The following PAX7 variants were observed in gnomAD, a reference collection of about 807,000 sequenced individuals.
The protein encoded by PAX7 is paired box 7, also known as paired box protein Pax-7.
Under a neutral mutation model 50.7 loss-of-function variants are expected in PAX7, and 18 were observed. The ratio of observed to expected loss-of-function variants is 0.36; its 90% CI spans 0.25 to 0.53. The LOEUF (loss-of-function observed/expected upper bound fraction) is 0.53, where lower values mean the gene tolerates loss of function less well. PAX7 is among the 20% of genes least tolerant of loss of function. The probability of loss-of-function intolerance (pLI) is 0.93; values close to 1 mark genes in which losing one functional copy is unlikely to be tolerated. For synonymous variants in PAX7, 310 were observed against 290.4 expected, an observed-to-expected ratio of 1.07 and a Z score of -0.69; for missense variants, 644 against 702.9, an observed-to-expected ratio of 0.92 and a Z score of 0.95.
In PAX7 at chr1:18,692,094, A is replaced by G. The variant is rs1449592173; in HGVS notation, c.786+141A>G. The G allele has an allele frequency of 5.3e-5, 37 of 698,108 alleles. No homozygotes were observed. In the Admixed American group the frequency reaches 8.8e-4, roughly 17 times the overall value. 43.2% of individuals were successfully genotyped at this position (698,108 alleles called of 1,614,324 possible). On this transcript the variant is annotated intron_variant, in intron 5 of 8. Transcript: ENST00000420770. The stretch of plus-strand genomic sequence containing the variant: ...GGGGGTTGTGTAGGCAAGTAATGCC[A>G]CCAGCATTTGATGCAGAGTTAGTTG...
chr1:18,641,953 T>TCC (rs111618204), intron 4 of PAX7, among the ~76,000 whole-genome samples: 108 of 138,892 alleles, frequency 7.8e-4, no homozygotes, highest in African/African-American at 2.3e-3. Context: ...CGGATTAACC[T>TCC]CCCCCCCCCC....
chr1:18,700,835 C>G lies in PAX7; in HGVS notation c.952+17C>G, dbSNP rs1007260581. ...TCTCCCAAGGTGAGTGTCTTGGCCC[C>G]GTCCTGCCATCTCAGTGGTGCCCCT... On this transcript the variant is annotated intron_variant, in intron 6 of 8. Transcript: ENST00000420770. The surrounding 1 kb of genome is among the most constrained non-coding windows in gnomAD (Gnocchi z 4.8). 2 of 1,431,148 alleles carry G rather than the reference C, an allele frequency of 1.4e-6. No individual in the cohort carries two copies. The highest frequency in any genetic ancestry group is 3.0e-5 in the African/African-American group (2 of 67,684). The allele number at this position is 1,431,148 out of a possible 1,614,324, so 88.7% of individuals were successfully genotyped here.
chr1:18,691,619 T>C lies in PAX7; in HGVS notation c.587-135T>C. The C allele has an allele frequency of 5.7e-6, 4 of 698,942 alleles. No homozygotes were observed. The South Asian group carries it at 7.5e-5, about 13-fold the overall frequency. The allele number at this position is 698,942 out of a possible 1,614,324, so 43.3% of individuals were successfully genotyped here. ...GGGTGAGCATCCTTCTATCTTGTGC[T>C]TGGGAGGAGTCTGATCGAAGTGCAG... On this transcript the variant is annotated intron_variant, in intron 4 of 8. Transcript: ENST00000420770.
rs903937647 is a variant in PAX7, at chr1:18,703,103, G to A, written c.962G>A (p.Ser321Asn). 1.9e-6 allele frequency: 3 copies of A among 1,613,688 alleles called. No individual in the cohort carries two copies. The East Asian group carries it at 6.7e-5, about 36-fold the overall frequency. ...TTGGGTCTCTCTACAGATGGGGGCA[G>A]CACTGTGCACCGGCCTCAGCCCCTG... ...PTTTISQDGG[S>N]TVHRPQPLPP... The change falls in exon 7 of 9, where the codon AGC becomes AAC. Residue 321 changes from serine to asparagine, a missense_variant. Coordinates refer to ENST00000420770, the MANE Select transcript of PAX7 (RefSeq NM_001135254.2).
intron 4 of PAX7, among the ~76,000 whole-genome samples, chr1:18,654,039 C>T (rs1258284615): frequency 6.6e-6 from 1 of 152,040 alleles, no homozygotes; most frequent in African/African-American, 2.4e-5. Flanking sequence ...ACTGCAAATA[C>T]GCCAAAGATG....
chr1:18,726,814 T>C lies in PAX7; in HGVS notation c.1156-8818T>C, dbSNP rs1379557430. Among the ~76,000 whole-genome samples the C allele has an allele frequency of 6.6e-6, 1 of 152,176 alleles. No homozygotes were observed. Among genetic ancestry groups the C allele is most frequent in the Non-Finnish European group, 1.5e-5 (1 of 68,038 alleles). ...AGACAGAGCCGGCCTCATGAGTCTT[T>C]CCAAGTCTGTATATCAAGCTGCACG... On this transcript the variant is annotated intron_variant, in intron 7 of 8. Transcript: ENST00000420770. The surrounding 1 kb of genome is among the most constrained non-coding windows in gnomAD (Gnocchi z 4.8).
Position 18,635,216 on chromosome 1 carries a change from T to C in PAX7, c.427T>C (p.Cys143Arg). ...GGACAGGCTGCTGAAGGATGGGCAC[T>C]GTGACCGAAGCACTGTGCCCTCAGG... is the stretch of plus-strand genomic sequence containing the variant. ...IRDRLLKDGH[C>R]DRSTVPSGLV... The change falls in exon 3 of 9, where the codon TGT (cysteine) becomes CGT (arginine). Residue 143 changes from cysteine to arginine, a missense_variant. Transcript: ENST00000420770. 2 of 1,613,742 alleles carry C rather than the reference T, an allele frequency of 1.2e-6. No individual in the cohort carries two copies. The highest frequency in any genetic ancestry group is 8.5e-7 in the Non-Finnish European group (1 of 1,179,842).
chr1:18,686,893 A>ATTTTT (rs774061568), intron 4 of PAX7, among the ~76,000 whole-genome samples: 1 of 50,806 alleles, frequency 2.0e-5, no homozygotes. Flanking sequence ...TTTTATTATT[A>ATTTTT]TTATTATTAT....
chr1:18,708,816 C>G (rs2089315124), intron 7 of PAX7, among the ~76,000 whole-genome samples: 1 of 152,074 alleles, frequency 6.6e-6, no homozygotes, highest in Non-Finnish European at 1.5e-5. Flanking sequence ...ACGGAAGAGA[C>G]AAAACCCTCA....
At chr1:18,667,294 G>C (rs1176183145) in intron 4 of PAX7, among the ~76,000 whole-genome samples, 1 of 152,078 alleles carries the variant, frequency 6.6e-6, no homozygotes, top group Non-Finnish European at 1.5e-5. Flanking sequence ...AAGAAGGGAA[G>C]AGGTGGGGAG....
At chr1:18,742,492 C>T (rs182957712) in intron 8 of PAX7, among the ~76,000 whole-genome samples, 5 of 152,278 alleles carry the variant, frequency 3.3e-5, no homozygotes, top group East Asian at 1.9e-4. Context: ...CACTGGAGCC[C>T]GGGTAAGGCA....
chr1:18,718,050 G>C (rs2089449512), intron 7 of PAX7, among the ~76,000 whole-genome samples: 1 of 150,944 alleles, frequency 6.6e-6, no homozygotes, highest in Non-Finnish European at 1.5e-5. Flanking sequence ...ATTCCAGAGG[G>C]ACAGGAGATG....
chr1:18,661,644 G>C (rs371325398), intron 4 of PAX7, among the ~76,000 whole-genome samples: 2 of 152,234 alleles, frequency 1.3e-5, no homozygotes, highest in Non-Finnish European at 2.9e-5. Flanking sequence ...ACAAAGCCAC[G>C]TGTGGTGCCT....
chr1:18,710,090 T>C (rs1279195734), intron 7 of PAX7, among the ~76,000 whole-genome samples: 4 of 152,224 alleles, frequency 2.6e-5, no homozygotes, highest in African/African-American at 4.8e-5. Context: ...ATTCCATCAA[T>C]GGCACACCTA....
intron 7 of PAX7, among the ~76,000 whole-genome samples, chr1:18,727,677 T>A (rs1377341847): frequency 6.6e-6 from 1 of 152,156 alleles, no homozygotes; most frequent in African/African-American, 2.4e-5. Flanking sequence ...GCTGTGCTTG[T>A]GCAAGAGAAT....
intron 4 of PAX7, among the ~76,000 whole-genome samples, chr1:18,687,530 T>C (rs1430767943): frequency 2.6e-5 from 4 of 152,134 alleles, no homozygotes; most frequent in African/African-American, 7.2e-5. Context: ...TGTAAAAGAG[T>C]CAATAGTCCC....
intron 4 of PAX7, among the ~76,000 whole-genome samples, chr1:18,676,931 T>G (rs2088831987): frequency 6.6e-6 from 1 of 152,142 alleles, no homozygotes; most frequent in South Asian, 2.1e-4. Flanking sequence ...GTAGGGAAAA[T>G]GCAGCTCAGA....
intron 7 of PAX7, among the ~76,000 whole-genome samples, chr1:18,715,258 C>G (rs533184142): frequency 6.6e-6 from 1 of 152,316 alleles, no homozygotes; most frequent in South Asian, 2.1e-4. Context: ...CAGGACACCC[C>G]CCACACGGTG....
chr1:18,714,896 G>C (rs994864684), intron 7 of PAX7, among the ~76,000 whole-genome samples: 2 of 152,208 alleles, frequency 1.3e-5, no homozygotes, highest in Non-Finnish European at 2.9e-5. Context: ...TTAGCACAGG[G>C]ACTGGGGACG....
Sources: allele counts gnomAD v4.1 joint callset (sites outside exome capture counted in the v4.1 genomes callset), GRCh38; gene constraint gnomAD v4.1.1; non-coding constraint Gnocchi (gnomAD v3.1); transcripts MANE v1.5; gene names NCBI Gene and HGNC (gene_info 2026-07-23, HGNC 2026-07-21).